Variants in MPPED1 observed in about 807,000 individuals in gnomAD.
MPPED1 encodes metallophosphoesterase domain containing 1, also known as metallophosphoesterase domain-containing protein 1.
In MPPED1, 16 loss-of-function variants were observed where a neutral mutation model predicts 36.2. The ratio of observed to expected loss-of-function variants is 0.44; its 90% CI spans 0.30 to 0.67. MPPED1 has a LOEUF of 0.67. Among genes scored for constraint, MPPED1 ranks in the 30% least tolerant of loss-of-function variants. MPPED1 has a pLI of 0.10. For synonymous variants in MPPED1, 199 were observed against 191.3 expected (o/e 1.04, Z -0.33); for missense variants, 307 against 453.4 (o/e 0.68, Z 2.93).
chr22:43,431,895 G>A (rs11704854), intron 2 of MPPED1, among the ~76,000 whole-genome samples: 5 of 152,336 alleles, frequency 3.3e-5, no homozygotes, highest in Non-Finnish European at 4.4e-5. Flanking sequence ...CTGCCTCTTC[G>A]CTGTGCTCCA....
intron 3 of MPPED1, among the ~76,000 whole-genome samples, chr22:43,446,080 A>G (rs924902273): frequency 6.6e-6 from 1 of 151,178 alleles, no homozygotes; most frequent in African/African-American, 2.4e-5. Context: ...CATGTTGCCC[A>G]GGCTGGTCTC....
intron 6 of MPPED1, among the ~76,000 whole-genome samples, chr22:43,503,649 G>A (rs537587694): frequency 6.6e-4 from 101 of 152,350 alleles, no homozygotes; most frequent in African/African-American, 2.3e-3. Flanking sequence ...TGGCCCTGGA[G>A]TAGCTCCTGG....
chr22:43,469,404 G>C (rs1931286207), intron 3 of MPPED1, among the ~76,000 whole-genome samples: 1 of 135,174 alleles, frequency 7.4e-6, no homozygotes, highest in Non-Finnish European at 1.6e-5. Context: ...ATGGAGGGTT[G>C]TGATGAAATT....
chr22:43,464,303 G>C (rs946291360), intron 3 of MPPED1, among the ~76,000 whole-genome samples: 48 of 121,360 alleles, frequency 4.0e-4, no homozygotes, highest in Admixed American at 1.5e-3. Context: ...GTGTGTGTGT[G>C]TGTGTGTGTG....
Position 43,474,908 on chromosome 22 carries a change from C to T in MPPED1, c.579C>T (p.Tyr193=), listed in dbSNP as rs751792556. 1.2e-6 allele frequency: 2 copies of T among 1,614,040 alleles called. No individual in the cohort carries two copies. Among genetic ancestry groups the T allele is most frequent in the Non-Finnish European group, 1.7e-6 (2 of 1,179,900 alleles). ...NVQSLLTNCI[Y]LQDSEVTVRG... is the part of the protein sequence containing the mutation. Reference sequence around the variant, plus strand: ...AGTCGCTGCTGACCAACTGCATCTACCTTCAGGACTCGGAGGTCACCGTGC... The same window carrying T: ...AGTCGCTGCTGACCAACTGCATCTATCTTCAGGACTCGGAGGTCACCGTGC... Residue 193 remains tyrosine, a synonymous_variant, in exon 4 of 7, where the codon TAC becomes TAT. Coordinates refer to ENST00000443721, the MANE Select transcript of MPPED1 (RefSeq NM_001044370.2). The surrounding 1 kb of genome is among the most constrained non-coding windows in gnomAD (Gnocchi z 5.2).
At chr22:43,503,208 T>C (rs1932764271) in intron 6 of MPPED1, among the ~76,000 whole-genome samples, 2 of 152,214 alleles carry the variant, frequency 1.3e-5, no homozygotes, top group South Asian at 2.1e-4. Context: ...AGGGACTACC[T>C]GTGATGGTGA....
At chr22:43,477,094 C>T (rs995922108) in intron 4 of MPPED1, among the ~76,000 whole-genome samples, 6 of 152,158 alleles carry the variant, frequency 3.9e-5, no homozygotes, top group Admixed American at 6.5e-5. Flanking sequence ...CAGGAGGGCT[C>T]CCTGTTGGAG....
intron 1 of MPPED1, among the ~76,000 whole-genome samples, chr22:43,412,759 G>A (rs1173610551): frequency 1.3e-5 from 2 of 152,084 alleles, no homozygotes; most frequent in African/African-American, 4.8e-5. Context: ...GGGATTCAGT[G>A]GCTACCTAGA....
intron 5 of MPPED1, among the ~76,000 whole-genome samples, chr22:43,499,590 G>A (rs1368724574): frequency 1.8e-5 from 2 of 114,076 alleles, no homozygotes; most frequent in African/African-American, 3.5e-5. Context: ...GGTGGTGGTG[G>A]TAGTGGAGGT....
At chr22:43,423,622 C>T (rs974605042) in intron 1 of MPPED1, among the ~76,000 whole-genome samples, 4 of 152,158 alleles carry the variant, frequency 2.6e-5, no homozygotes, top group African/African-American at 9.7e-5. Context: ...ATTAATAACC[C>T]ATTTCTCCTT....
intron 2 of MPPED1, among the ~76,000 whole-genome samples, chr22:43,428,825 A>G (rs991672327): frequency 1.3e-5 from 2 of 151,578 alleles, no homozygotes; most frequent in Admixed American, 6.6e-5. Context: ...GAGAAACCCT[A>G]TGGGGGTCTC....
At chr22:43,445,987 T>A (rs1444955643) in intron 3 of MPPED1, among the ~76,000 whole-genome samples, 1 of 146,744 alleles carries the variant, frequency 6.8e-6, no homozygotes, top group Non-Finnish European at 1.5e-5. Context: ...TCTCCCGCCT[T>A]AGCCCCCCTA....
chr22:43,491,535 G>T (rs889872369), intron 4 of MPPED1, among the ~76,000 whole-genome samples: 1 of 150,700 alleles, frequency 6.6e-6, no homozygotes, highest in Non-Finnish European at 1.5e-5. Context: ...GGTAGTGATG[G>T]TAGTGATGGA....
intron 3 of MPPED1, among the ~76,000 whole-genome samples, chr22:43,453,331 CT>C (rs34388638): frequency 0.3 from 45,565 of 151,404 alleles, 8,493 homozygotes; most frequent in East Asian, 0.63. Context: ...ACCACCCCCC[CT>C]GCCCCTTTAA....
chr22:43,452,698 C>T (rs996410846), intron 3 of MPPED1, among the ~76,000 whole-genome samples: 2 of 152,142 alleles, frequency 1.3e-5, no homozygotes, highest in African/African-American at 4.8e-5. Flanking sequence ...GGCATGATCA[C>T]GGCTCACTGA....
intron 5 of MPPED1, among the ~76,000 whole-genome samples, chr22:43,500,286 A>ATGGTGGTGGTGGAGG (rs1345595018): frequency 4.2e-5 from 1 of 23,530 alleles, no homozygotes; most frequent in Non-Finnish European, 9.2e-5. Context: ...GGCGGTGGTG[A>ATGGTGGTGGTGGAGG]TGGGGGTGGT....
intron 5 of MPPED1, among the ~76,000 whole-genome samples, chr22:43,500,384 GATGGTGATGGAGGTGGTA>G (rs1932685861): frequency 6.7e-6 from 1 of 150,252 alleles, no homozygotes. Context: ...TGGTGGTGGT[GATGGTGATGGAGGTGGTA>G]GTGGTGGTGA....
chr22:43,420,029 G>T (rs761581230), intron 1 of MPPED1, among the ~76,000 whole-genome samples: 113 of 152,142 alleles, frequency 7.4e-4, no homozygotes, highest in Non-Finnish European at 1.4e-3. Context: ...GGAGTGCTGG[G>T]CTGCGGGGAC....
At chr22:43,481,310 T>C (rs1156632972) in intron 4 of MPPED1, among the ~76,000 whole-genome samples, 1 of 152,206 alleles carries the variant, frequency 6.6e-6, no homozygotes, top group Non-Finnish European at 1.5e-5. Flanking sequence ...CACCCTTATC[T>C]GACACGTGGG....
Sources: allele counts gnomAD v4.1 joint callset (sites outside exome capture counted in the v4.1 genomes callset), GRCh38; gene constraint gnomAD v4.1.1; non-coding constraint Gnocchi (gnomAD v3.1); transcripts MANE v1.5; gene names NCBI Gene and HGNC (gene_info 2026-07-23, HGNC 2026-07-21).